The following SGCD variants were observed in gnomAD, a reference collection of about 807,000 sequenced individuals.
SGCD encodes the protein sarcoglycan delta, also known as delta-sarcoglycan.
SGCD carries 18 observed loss-of-function variants against 36.6 expected under a neutral mutation model. That is an observed-to-expected ratio of 0.49 (90% CI 0.34 to 0.73). The LOEUF (loss-of-function observed/expected upper bound fraction) is 0.73, where lower values mean the gene tolerates loss of function less well. SGCD is among the 30% of genes least tolerant of loss of function. The pLI is 0.01. For missense variants in SGCD, 387 were observed against 346.7 expected (o/e 1.12, Z -0.92); for synonymous variants, 133 against 130.6 (o/e 1.02, Z -0.12).
chr5:156,478,385 C>T (rs1755282029), intron 3 of SGCD, among the ~76,000 whole-genome samples: 1 of 152,120 alleles, frequency 6.6e-6, no homozygotes, highest in Non-Finnish European at 1.5e-5. Context: ...TGGCTCTGCT[C>T]CCCCTGGGCT....
At chr5:155,778,237 T>G in the SGCD span, among the ~76,000 whole-genome samples, 6 of 152,226 alleles carry the variant, frequency 3.9e-5, no homozygotes, top group Non-Finnish European at 8.8e-5. Flanking sequence ...TTTTGTGTCT[T>G]GCATGGCTTA....
chr5:156,488,461 C>T (rs1755801061), intron 3 of SGCD, among the ~76,000 whole-genome samples: 1 of 151,934 alleles, frequency 6.6e-6, no homozygotes, highest in Non-Finnish European at 1.5e-5. Context: ...AGAGATTTCT[C>T]CATATAAATC....
intron 1 of SGCD, among the ~76,000 whole-genome samples, chr5:156,049,778 G>A (rs893137944): frequency 6.8e-6 from 1 of 146,296 alleles, no homozygotes; most frequent in Non-Finnish European, 1.5e-5. Context: ...AGCATGACTT[G>A]GGAAAAAGTT....
intron 1 of SGCD, among the ~76,000 whole-genome samples, chr5:156,035,135 T>C (rs2127576738): frequency 6.6e-6 from 1 of 152,324 alleles, no homozygotes; most frequent in East Asian, 1.9e-4. Flanking sequence ...AATCCTAAGG[T>C]GTTTCTTAAA....
chr5:156,260,722 T>C (rs995262258), intron 3 of SGCD, among the ~76,000 whole-genome samples: 1 of 152,158 alleles, frequency 6.6e-6, no homozygotes, highest in Non-Finnish European at 1.5e-5. Context: ...CAGTAAAATT[T>C]TGAATAGAAG....
the SGCD span, among the ~76,000 whole-genome samples, chr5:155,851,209 T>C: frequency 6.6e-6 from 1 of 152,168 alleles, no homozygotes; most frequent in Admixed American, 6.6e-5. Flanking sequence ...ACATGCAGTG[T>C]GTTCTTCGGG....
At chr5:156,673,119 A>G (rs575252124) in intron 7 of SGCD, among the ~76,000 whole-genome samples, 1 of 152,174 alleles carries the variant, frequency 6.6e-6, no homozygotes, top group African/African-American at 2.4e-5. Flanking sequence ...TTACAAATCC[A>G]TTCCCCTCAA....
chr5:155,731,452 C>T, the SGCD span, among the ~76,000 whole-genome samples: 8 of 152,240 alleles, frequency 5.3e-5, no homozygotes, highest in East Asian at 1.5e-3. Context: ...ATTCTAAGGA[C>T]GTTGACATAG....
chr5:155,995,424 A>G (rs1024031423), intron 1 of SGCD, among the ~76,000 whole-genome samples: 12 of 152,208 alleles, frequency 7.9e-5, no homozygotes, highest in African/African-American at 2.9e-4. Flanking sequence ...TATATTTTAC[A>G]TTTATTGAAA....
chr5:156,754,555 G>T (rs1313107445), intron 7 of SGCD, among the ~76,000 whole-genome samples: 1 of 152,180 alleles, frequency 6.6e-6, no homozygotes, highest in African/African-American at 2.4e-5. Flanking sequence ...TAGGGGTAAA[G>T]ATACAATAGA....
At chr5:156,069,872 A>G (rs1245302226) in intron 1 of SGCD, among the ~76,000 whole-genome samples, 2 of 151,864 alleles carry the variant, frequency 1.3e-5, no homozygotes, top group Non-Finnish European at 2.9e-5. Context: ...ATTCCTAGGT[A>G]TTTTATTCTC....
chr5:155,755,185 T>C, the SGCD span, among the ~76,000 whole-genome samples: 1,752 of 152,350 alleles, frequency 0.011, 33 homozygotes, highest in African/African-American at 0.04. Context: ...TTATTAACTT[T>C]AATTTACTGA....
At chr5:156,722,537 T>C (rs1039630800) in intron 7 of SGCD, among the ~76,000 whole-genome samples, 2 of 152,216 alleles carry the variant, frequency 1.3e-5, no homozygotes, top group African/African-American at 4.8e-5. Flanking sequence ...TTCACCATGA[T>C]AAATTATTCC....
At chr5:155,949,625 G>A (rs1341681317) in intron 1 of SGCD, among the ~76,000 whole-genome samples, 1 of 152,032 alleles carries the variant, frequency 6.6e-6, no homozygotes, top group Non-Finnish European at 1.5e-5. Flanking sequence ...CAAATTGAGA[G>A]CAATATTTTA....
intron 6 of SGCD, among the ~76,000 whole-genome samples, chr5:156,634,609 G>A (rs1313905455): frequency 2.6e-5 from 4 of 152,084 alleles, no homozygotes; most frequent in African/African-American, 9.7e-5. Context: ...AGGATTTGGG[G>A]CTCAGGGGAT....
intron 3 of SGCD, among the ~76,000 whole-genome samples, chr5:156,241,563 T>C (rs1428904731): frequency 2.0e-5 from 3 of 152,180 alleles, no homozygotes; most frequent in Non-Finnish European, 4.4e-5. Context: ...CTCCATCCAG[T>C]TTTTCCTTCT....
At chr5:155,894,272 C>A (rs1756199860) in intron 1 of SGCD, among the ~76,000 whole-genome samples, 1 of 152,066 alleles carries the variant, frequency 6.6e-6, no homozygotes, top group Admixed American at 6.6e-5. Context: ...CATGCTATAG[C>A]CTTATTATGG....
intron 3 of SGCD, among the ~76,000 whole-genome samples, chr5:156,206,622 T>C (rs1764285229): frequency 6.6e-6 from 1 of 152,070 alleles, no homozygotes; most frequent in Non-Finnish European, 1.5e-5. Flanking sequence ...TTATGTAACA[T>C]CTTAAAAATT....
At position 155,901,990 on chromosome 5, in the gene SGCD, T is replaced by A. The variant is rs369954568; in HGVS notation, c.-282+31566T>A. ...GGAACTTACCCTGCTTCACTGTTTGTTCATGAGTTGATATTTTAAAAATTA... is the reference window on the plus strand; with the variant it reads ...GGAACTTACCCTGCTTCACTGTTTGATCATGAGTTGATATTTTAAAAATTA... On this transcript the variant is annotated intron_variant, in intron 1 of 9. Transcript: ENST00000517913. Among the ~76,000 whole-genome samples, 97 of 152,286 alleles carry A rather than the reference T, an allele frequency of 6.4e-4. 1 individual carries two copies. In the East Asian group the frequency reaches 0.018, roughly 29 times the overall value.
Sources: gnomAD v4.1 joint callset for allele counts (sites outside exome capture counted in the v4.1 genomes callset) on GRCh38, gnomAD v4.1.1 for gene constraint, MANE v1.5 for transcripts, NCBI Gene and HGNC (gene_info 2026-07-23, HGNC 2026-07-21) for gene names.